Variants in LUM observed in about 807,000 individuals in gnomAD.
The protein encoded by LUM is KSPG lumican.
A neutral mutation model predicts 20.5 loss-of-function variants in LUM; 13 were observed. The ratio of observed to expected loss-of-function variants is 0.63; its 90% CI spans 0.41 to 1.01. The LOEUF (loss-of-function observed/expected upper bound fraction) is 1.01. Among genes scored for constraint, LUM ranks in the 50% least tolerant of loss-of-function variants. The probability of loss-of-function intolerance (pLI) is 0.00; values close to 1 mark genes in which losing one functional copy is unlikely to be tolerated. For missense variants in LUM, 321 were observed against 391.1 expected, an observed-to-expected ratio of 0.82 and a Z score of 1.51; for synonymous variants, 173 against 151.5, an observed-to-expected ratio of 1.14 and a Z score of -1.04.
rs1389559165 is a variant in LUM at position 91,103,285 on chromosome 12, A to G, written c.*880T>C. ...GCAGCTTCTTATCTAATAGAATACC[A>G]TTGTATATGAACCAGTAAAAACACC... On this transcript the variant is annotated 3_prime_UTR_variant, in exon 3 of 3. Coordinates refer to ENST00000266718, the MANE Select transcript of LUM (RefSeq NM_002345.4). The G allele has an allele frequency of 2.0e-5, 3 of 152,088 alleles. No individual in the cohort carries two copies. Among genetic ancestry groups the G allele is most frequent in the Admixed American group, 6.6e-5 (1 of 15,244 alleles). 9.4% of individuals were successfully genotyped at this position (152,088 alleles called of 1,614,324 possible). A position where few individuals can be genotyped will look rare whatever the true frequency, so the allele number is the denominator to read the frequency against.
In LUM at chr12:91,105,542, C is replaced by A. The variant is rs569166967; in HGVS notation, c.863-1223G>T. On this transcript the variant is annotated intron_variant, in intron 2 of 2. Transcript: ENST00000266718. Reference sequence around the variant, plus strand: ...TATTAGAAAAAAACATTGAGGGGAACTTTCTGTATTAAGTGAATGTGAAAT... The same window carrying A: ...TATTAGAAAAAAACATTGAGGGGAAATTTCTGTATTAAGTGAATGTGAAAT... Among the ~76,000 whole-genome samples the A allele has an allele frequency of 2.6e-5, 4 of 152,138 alleles. No individual in the cohort carries two copies. The South Asian group carries it at 8.3e-4, about 32-fold the overall frequency.
chr12:91,108,332 C>G lies in LUM; in HGVS notation c.648G>C (p.Lys216Asn). 1 of 1,614,110 alleles carries G rather than the reference C, an allele frequency of 6.2e-7. No individual in the cohort carries two copies. The highest frequency in any genetic ancestry group is 8.5e-7 in the Non-Finnish European group (1 of 1,179,984). ...AATACTCATCAGGGATGTTGCTGAT[C>G]TTATTGTTGTCTAAGTAGAGAGTTA... ...SLLTLYLDNN[K>N]ISNIPDEYFK... is the part of the protein sequence containing the mutation. The change falls in exon 2 of 3, where the codon AAG becomes AAC. Residue 216 changes from lysine to asparagine, a missense_variant. By Grantham distance (94) the Lys-to-Asn change is moderately conservative. Coordinates refer to ENST00000266718, the MANE Select transcript of LUM (RefSeq NM_002345.4). The surrounding 1 kb of genome is among the most constrained non-coding windows in gnomAD (Gnocchi z 4.2).
At chr12:91,109,580 A>G (rs1880159250) in intron 1 of LUM, among the ~76,000 whole-genome samples, 1 of 152,166 alleles carries the variant, frequency 6.6e-6, no homozygotes, top group African/African-American at 2.4e-5. Flanking sequence ...GTGTGCATGC[A>G]TACTAGTTCA....
Position 91,109,006 on chromosome 12 carries a change from T to G in LUM, c.-21-6A>C. ...TTTGGCAAATGGTTTGAATCCTAAA[T>G]AAAGATGAAACATTTATTAATTAAA... is the stretch of plus-strand genomic sequence containing the variant. On this transcript the variant is annotated splice_polypyrimidine_tract_variant and splice_region_variant and intron_variant, in intron 1 of 2. Coordinates refer to ENST00000266718, the MANE Select transcript of LUM (RefSeq NM_002345.4). 1 of 1,582,376 alleles carries G rather than the reference T, an allele frequency of 6.3e-7. No individual in the cohort carries two copies. The highest frequency in any genetic ancestry group is 8.6e-7 in the Non-Finnish European group (1 of 1,156,392).
At chr12:91,107,299 A>AAG (rs1565758465) in intron 2 of LUM, among the ~76,000 whole-genome samples, 17 of 129,784 alleles carry the variant, frequency 1.3e-4, no homozygotes, top group East Asian at 2.7e-4. Flanking sequence ...GAAAGAAAGA[A>AAG]AGAAAGAAAG....
At chr12:91,107,589 G>C (rs1880111090) in intron 2 of LUM, among the ~76,000 whole-genome samples, 1 of 152,176 alleles carries the variant, frequency 6.6e-6, no homozygotes, top group African/African-American at 2.4e-5. Context: ...TTTTTAGTTT[G>C]AAGACTTACA....
rs1880137413 is a variant in LUM, at chr12:91,108,828, A to C, written c.152T>G (p.Met51Arg). Reference sequence around the variant, plus strand: ...TTTCAATTTCAGCTCATCACAGTACATGGCACTTGGGTAGCTTTCAGGGCA... The same window carrying C: ...TTTCAATTTCAGCTCATCACAGTACCTGGCACTTGGGTAGCTTTCAGGGCA... The part of the protein sequence containing the change: ...CNCPESYPSA[M>R]YCDELKLKSV... The change falls in exon 2 of 3, where the codon ATG becomes AGG. Residue 51 changes from methionine to arginine, a missense_variant. Met to Arg is a moderately conservative substitution (Grantham distance 91). Transcript: ENST00000266718. The surrounding 1 kb of genome is among the most constrained non-coding windows in gnomAD (Gnocchi z 4.2). 1 of 1,614,086 alleles carries C rather than the reference A, an allele frequency of 6.2e-7. No homozygotes were observed. Among genetic ancestry groups the C allele is most frequent in the Non-Finnish European group, 8.5e-7 (1 of 1,180,012 alleles).
At position 91,108,851 on chromosome 12, in the gene LUM, G is replaced by A. The variant is rs1480738567; in HGVS notation, c.129C>T (p.Cys43=). The change falls in exon 2 of 3, where the codon TGC becomes TGT. Residue 43 remains cysteine (C), a synonymous_variant. Coordinates refer to ENST00000266718, the MANE Select transcript of LUM (RefSeq NM_002345.4). This position sits in a 1 kb window ranked among gnomAD's most constrained non-coding sequence, Gnocchi z 4.2. ...SSPNCAPECN[C]PESYPSAMYC... ...ACATGGCACTTGGGTAGCTTTCAGG[G>A]CAGTTACATTCTGGTGCACAGTTTG... The A allele has an allele frequency of 6.2e-7, 1 of 1,613,946 alleles. No individual in the cohort carries two copies. Among genetic ancestry groups the A allele is most frequent in the Non-Finnish European group, 8.5e-7 (1 of 1,179,988 alleles).
At chr12:91,105,280 T>A (rs564944146) in intron 2 of LUM, among the ~76,000 whole-genome samples, 2 of 152,170 alleles carry the variant, frequency 1.3e-5, no homozygotes, top group African/African-American at 4.8e-5. Context: ...GGAACACTTA[T>A]CTGATCTTGT....
chr12:91,107,043 G>A (rs898173666), intron 2 of LUM, among the ~76,000 whole-genome samples: 2 of 150,848 alleles, frequency 1.3e-5, no homozygotes, highest in Middle Eastern at 6.3e-3. Flanking sequence ...GGTGGTGGTG[G>A]CCTGAGGTGG....
intron 1 of LUM, 63 bp from the exon 2 acceptor site, chr12:91,109,063 A>G: frequency 8.8e-7 from 1 of 1,136,130 alleles, no homozygotes; most frequent in Non-Finnish European, 1.3e-6. Context: ...AAGACATTCA[A>G]TTTGCAACAT....
Position 91,108,535 on chromosome 12 carries a change from T to A in LUM, c.445A>T (p.Ile149Phe). 1.2e-6 allele frequency: 2 copies of A among 1,611,984 alleles called. No individual in the cohort carries two copies. The highest frequency in any genetic ancestry group is 1.7e-6 in the Non-Finnish European group (2 of 1,178,396). ...LEDLQLTHNKITKLGSFEGLV... is the reference protein window; with the variant it reads ...LEDLQLTHNKFTKLGSFEGLV... ...CCTTCAAAAGAGCCCAGCTTTGTGA[T>A]CTTGTTATGAGTAAGCTGCAGATCC... Residue 149 changes from isoleucine to phenylalanine, a missense_variant, in exon 2 of 3, where the codon ATC becomes TTC. Transcript: ENST00000266718. The surrounding 1 kb of genome is among the most constrained non-coding windows in gnomAD (Gnocchi z 4.2).
chr12:91,107,297 GAAAGAAAGAAAGAAAGAA>G (rs1565758461), intron 2 of LUM, among the ~76,000 whole-genome samples: 9 of 104,432 alleles, frequency 8.6e-5, no homozygotes, highest in African/African-American at 3.1e-4. Context: ...GAGAAAGAAA[GAAAGAAAGAAAGAAAGAA>G]AGAAAGAAAG....
chr12:91,104,161 G>C lies in LUM; in HGVS notation c.*4C>G, dbSNP rs367992395. 1 of 1,608,064 alleles carries C rather than the reference G, an allele frequency of 6.2e-7. No homozygotes were observed. Among genetic ancestry groups the C allele is most frequent in the Non-Finnish European group, 8.5e-7 (1 of 1,175,396 alleles). The stretch of plus-strand genomic sequence containing the variant: ...CCATAAAATATTGTTCCAGGATACA[G>C]ATATTAATTAAGAGTGACTTCGTTA... On this transcript the variant is annotated 3_prime_UTR_variant, in exon 3 of 3. Transcript: ENST00000266718.
chr12:91,106,310 T>C (rs1284156901), intron 2 of LUM, among the ~76,000 whole-genome samples: 2 of 152,204 alleles, frequency 1.3e-5, no homozygotes, highest in East Asian at 3.8e-4. Flanking sequence ...CATGTAGAGA[T>C]GTTCAAATTC....
At chr12:91,107,238 GGAAAGAAA>G (rs1555188589) in intron 2 of LUM, among the ~76,000 whole-genome samples, 9 of 67,358 alleles carry the variant, frequency 1.3e-4, no homozygotes, top group East Asian at 5.4e-4. Context: ...AAGAAAGAAA[GGAAAGAAA>G]GAAAGAAAGA....
At chr12:91,106,027 G>C (rs1251515858) in intron 2 of LUM, among the ~76,000 whole-genome samples, 1 of 152,154 alleles carries the variant, frequency 6.6e-6, no homozygotes, top group Non-Finnish European at 1.5e-5. Context: ...TTTTCCACTG[G>C]AAACAACAAG....
At chr12:91,111,018 T>C (rs531414857) in intron 1 of LUM, among the ~76,000 whole-genome samples, 11 of 152,330 alleles carry the variant, frequency 7.2e-5, no homozygotes, top group East Asian at 1.9e-4. Flanking sequence ...TTAAAAGATA[T>C]TTTGAATGCT....
intron 2 of LUM, among the ~76,000 whole-genome samples, chr12:91,106,150 G>A (rs571298475): frequency 1.3e-5 from 2 of 152,274 alleles, no homozygotes; most frequent in South Asian, 4.1e-4. Flanking sequence ...TTCAGAGTTG[G>A]CGAGTATGGT....
Sources: gnomAD v4.1 joint callset for allele counts (sites outside exome capture counted in the v4.1 genomes callset) on GRCh38, gnomAD v4.1.1 for gene constraint, Gnocchi (gnomAD v3.1) non-coding constraint, MANE v1.5 for transcripts, NCBI Gene and HGNC (gene_info 2026-07-23, HGNC 2026-07-21) for gene names.